HSPA12A: variants seen among roughly 807,000 people sequenced by gnomAD.
HSPA12A encodes heat shock protein family A (Hsp70) member 12A, also known as heat shock 70 kDa protein 12A.
A neutral mutation model predicts 69.2 loss-of-function variants in HSPA12A; 28 were observed. The ratio of observed to expected loss-of-function variants is 0.40; its 90% CI spans 0.30 to 0.55. The LOEUF (loss-of-function observed/expected upper bound fraction) is 0.55, where lower values mean the gene tolerates loss of function less well. HSPA12A is among the 20% of genes least tolerant of loss of function. The pLI is 0.38. For synonymous variants in HSPA12A, 345 were observed against 370.5 expected, an observed-to-expected ratio of 0.93 and a Z score of 0.79; for missense variants, 686 against 900.7, an observed-to-expected ratio of 0.76 and a Z score of 3.05.
intron 4 of HSPA12A, 33 bp from the exon 5 acceptor site, chr10:116,698,772 A>T: frequency 6.5e-7 from 1 of 1,528,180 alleles, no homozygotes. Context: ...TAGTAAGAAG[A>T]TGACACAGGA....
At chr10:116,687,306 G>A (rs1554879647) in intron 6 of HSPA12A, among the ~76,000 whole-genome samples, 1 of 152,176 alleles carries the variant, frequency 6.6e-6, no homozygotes, top group Non-Finnish European at 1.5e-5. Flanking sequence ...AGGTGAAGAG[G>A]ACCCCACTCC....
At chr10:116,742,910 C>G (rs1324074674), upstream of HSPA12A, among the ~76,000 whole-genome samples, 1 of 152,026 alleles carries the variant, frequency 6.6e-6, no homozygotes, top group Non-Finnish European at 1.5e-5. Context: ...TGGAAGTCAC[C>G]GAATGGCCAG....
At chr10:116,699,928 A>C (rs1554881408) in intron 4 of HSPA12A, among the ~76,000 whole-genome samples, 2 of 152,204 alleles carry the variant, frequency 1.3e-5, no homozygotes. Flanking sequence ...TTTCCCACTT[A>C]TGTTTGCTTT....
intron 1 of HSPA12A, among the ~76,000 whole-genome samples, chr10:116,729,895 A>T (rs57036464): frequency 0.024 from 3,662 of 152,324 alleles, 154 homozygotes; most frequent in African/African-American, 0.083. Flanking sequence ...AACCTTTCTG[A>T]GTACCTCGTG....
intron 2 of HSPA12A, among the ~76,000 whole-genome samples, chr10:116,834,534 G>A (rs1346604081): frequency 6.6e-6 from 1 of 152,142 alleles, no homozygotes; most frequent in Non-Finnish European, 1.5e-5. Context: ...AGAGCGAGAG[G>A]CCATCTCTTC....
chr10:116,767,980 G>A (rs1002159868), intron 2 of HSPA12A, among the ~76,000 whole-genome samples: 3 of 152,100 alleles, frequency 2.0e-5, no homozygotes, highest in Non-Finnish European at 2.9e-5. Flanking sequence ...ATTATCAAAT[G>A]GCCCCCCAAG....
chr10:116,765,936 A>C (rs1844068039), intron 2 of HSPA12A, among the ~76,000 whole-genome samples: 1 of 152,162 alleles, frequency 6.6e-6, no homozygotes. Context: ...GTACTTGGAC[A>C]TTGCTTCATA....
intron 1 of HSPA12A, among the ~76,000 whole-genome samples, chr10:116,725,072 C>A (rs1850909661): frequency 6.6e-6 from 1 of 152,204 alleles, no homozygotes; most frequent in African/African-American, 2.4e-5. Flanking sequence ...AGACTTGAAC[C>A]CAGGACTTGA....
intron 6 of HSPA12A, among the ~76,000 whole-genome samples, chr10:116,687,542 G>A (rs561259728): frequency 5.3e-5 from 8 of 152,168 alleles, no homozygotes; most frequent in African/African-American, 9.7e-5. Flanking sequence ...TGTGGACTCC[G>A]AGAAAAGGAG....
intron 1 of HSPA12A, among the ~76,000 whole-genome samples, chr10:116,717,771 G>A (rs1488782226): frequency 2.6e-5 from 4 of 152,154 alleles, no homozygotes; most frequent in African/African-American, 7.2e-5. Flanking sequence ...CATAATGTCA[G>A]CAAATACATT....
upstream of HSPA12A, among the ~76,000 whole-genome samples, chr10:116,742,856 G>A (rs1428755483): frequency 2.0e-5 from 3 of 151,928 alleles, no homozygotes; most frequent in Admixed American, 6.5e-5. Flanking sequence ...TGCGCTGCGG[G>A]AGCGGATTTC....
intron 1 of HSPA12A, among the ~76,000 whole-genome samples, chr10:116,714,652 C>T (rs1461306883): frequency 1.3e-5 from 2 of 152,194 alleles, no homozygotes; most frequent in African/African-American, 4.8e-5. Flanking sequence ...TCAACCTTGT[C>T]AGGGTCTTCC....
chr10:116,721,112 A>C (rs1224171498), intron 1 of HSPA12A, among the ~76,000 whole-genome samples: 2 of 152,244 alleles, frequency 1.3e-5, no homozygotes, highest in African/African-American at 4.8e-5. Context: ...TGACAGACTT[A>C]CATTTGTACA....
At chr10:116,846,517 T>C (rs1845888656) in intron 1 of HSPA12A, among the ~76,000 whole-genome samples, 1 of 151,944 alleles carries the variant, frequency 6.6e-6, no homozygotes, top group Non-Finnish European at 1.5e-5. Flanking sequence ...GCCCGGCTAA[T>C]TTTTGTATTT....
intron 1 of HSPA12A, among the ~76,000 whole-genome samples, chr10:116,740,676 C>CTG (rs58266278): frequency 8.7e-5 from 8 of 92,164 alleles, no homozygotes; most frequent in African/African-American, 2.6e-4. Flanking sequence ...GTGTGTGTGT[C>CTG]TGTGTGTGTG....
At chr10:116,763,580 G>A (rs990523996) in intron 2 of HSPA12A, among the ~76,000 whole-genome samples, 1 of 152,228 alleles carries the variant, frequency 6.6e-6, no homozygotes, top group Admixed American at 6.5e-5. Flanking sequence ...ACTGCCCCCA[G>A]CAGGGTGGGG....
At chr10:116,700,859 G>T in intron 4 of HSPA12A, 84 bp downstream of exon 4, 2 of 1,376,986 alleles carry the variant, frequency 1.5e-6, no homozygotes, top group Admixed American at 1.9e-5. Context: ...TGGGTTGGGA[G>T]GACATCCCTT....
In HSPA12A at chr10:116,723,135, G is replaced by A. The variant is rs1554884601; in HGVS notation, c.41-15850C>T. On this transcript the variant is annotated intron_variant, in intron 1 of 11. Coordinates refer to ENST00000369209, the MANE Select transcript of HSPA12A (RefSeq NM_025015.3). This position sits in a 1 kb window ranked among gnomAD's most constrained non-coding sequence, Gnocchi z 4.1. ...TCACTCCCAGCCTCAAGCACCTACT[G>A]TAGCTCTCTATCCCCTTCATATCAG... 2.0e-5 allele frequency among the ~76,000 whole-genome samples: 3 copies of A among 152,056 alleles called. No homozygotes were observed. The highest frequency in any genetic ancestry group is 2.0e-4 in the Admixed American group (3 of 15,266).
At chr10:116,776,337 C>A (rs1022378382) in intron 2 of HSPA12A, among the ~76,000 whole-genome samples, 5 of 152,252 alleles carry the variant, frequency 3.3e-5, no homozygotes, top group African/African-American at 1.2e-4. Context: ...TCACCCCCAA[C>A]AAACCTCTCC....
Sources: allele counts gnomAD v4.1 joint callset (sites outside exome capture counted in the v4.1 genomes callset), GRCh38; gene constraint gnomAD v4.1.1; non-coding constraint Gnocchi (gnomAD v3.1); transcripts MANE v1.5; gene names NCBI Gene and HGNC (gene_info 2026-07-23, HGNC 2026-07-21).